WWOX: variants seen among roughly 807,000 people sequenced by gnomAD.
WWOX encodes the protein WW domain-containing oxidoreductase.
A neutral mutation model predicts 46.2 loss-of-function variants in WWOX; 69 were observed. The ratio of observed to expected loss-of-function variants is 1.49; its 90% CI spans 1.23 to 1.82. The LOEUF is 1.82. Among genes scored for constraint, WWOX ranks in the 40% most tolerant of loss-of-function variants. The pLI, the probability that WWOX is intolerant of heterozygous loss-of-function variation, is 0.00. For missense variants in WWOX, 919 were observed against 542.6 expected, an observed-to-expected ratio of 1.69 and a Z score of -6.89; for synonymous variants, 359 against 202.6, an observed-to-expected ratio of 1.77 and a Z score of -6.56.
intron 8 of WWOX, among the ~76,000 whole-genome samples, chr16:79,068,981 A>G (rs77538482): frequency 0.016 from 2,469 of 152,268 alleles, 81 homozygotes; most frequent in African/African-American, 0.057. Flanking sequence ...CAGGCGTAAG[A>G]TATGCATCTA....
At chr16:78,469,629 G>T (rs1232371849) in intron 8 of WWOX, among the ~76,000 whole-genome samples, 1 of 152,234 alleles carries the variant, frequency 6.6e-6, no homozygotes. Flanking sequence ...ATAGCAGGCT[G>T]CCAGGACATG....
At chr16:78,875,263 C>T (rs895189979) in intron 8 of WWOX, among the ~76,000 whole-genome samples, 1 of 152,088 alleles carries the variant, frequency 6.6e-6, no homozygotes, top group African/African-American at 2.4e-5. Context: ...TCTACCACTC[C>T]CAGTAAATCA....
rs1327004996 is a variant in WWOX, at chr16:78,894,035, A to ATTATTATTATTATTG, written c.1057-317559_1057-317558insGTTATTATTATTATT. 2.7e-5 allele frequency among the ~76,000 whole-genome samples: 4 copies of ATTATTATTATTATTG among 146,048 alleles called. No homozygotes were observed. The East Asian group carries it at 6.0e-4, about 22-fold the overall frequency. ...TATTGAGGCTTTTATTATTATTATT[A>ATTATTATTATTATTG]TTATTATTATTATTATATTTTGAGA... On this transcript the variant is annotated intron_variant, in intron 8 of 8. Transcript: ENST00000566780.
chr16:79,164,477 C>G (rs1291139203), intron 8 of WWOX, among the ~76,000 whole-genome samples: 2 of 151,398 alleles, frequency 1.3e-5, no homozygotes, highest in East Asian at 3.9e-4. Flanking sequence ...GATGTTCATT[C>G]AGGCAGGGAT....
chr16:78,865,002 A>G (rs1405771468), intron 8 of WWOX, among the ~76,000 whole-genome samples: 3 of 151,846 alleles, frequency 2.0e-5, no homozygotes, highest in East Asian at 3.9e-4. Flanking sequence ...ACCTCAAGTG[A>G]TCCACCCATC....
intron 8 of WWOX, among the ~76,000 whole-genome samples, chr16:78,509,094 G>T (rs1480333212): frequency 3.3e-5 from 5 of 152,188 alleles, no homozygotes; most frequent in Admixed American, 3.3e-4. Flanking sequence ...GTGCAGTGAG[G>T]CCCTCCCTTC....
chr16:78,320,665 A>G (rs1007977113), intron 5 of WWOX, among the ~76,000 whole-genome samples: 2 of 152,220 alleles, frequency 1.3e-5, no homozygotes, highest in Non-Finnish European at 2.9e-5. Context: ...ATCTGGATGA[A>G]GAATGAAATA....
intron 8 of WWOX, among the ~76,000 whole-genome samples, chr16:78,753,586 G>A (rs1217884338): frequency 6.6e-6 from 1 of 151,632 alleles, no homozygotes; most frequent in Non-Finnish European, 1.5e-5. Flanking sequence ...GTTTGCTTGA[G>A]CCCAGGAGTT....
chr16:78,751,009 C>T (rs1388236057), intron 8 of WWOX, among the ~76,000 whole-genome samples: 1 of 152,084 alleles, frequency 6.6e-6, no homozygotes, highest in Non-Finnish European at 1.5e-5. Context: ...TGTATACCCA[C>T]TAATAAGATT....
chr16:79,085,958 G>C (rs562215648), intron 8 of WWOX, among the ~76,000 whole-genome samples: 10 of 152,194 alleles, frequency 6.6e-5, no homozygotes, highest in African/African-American at 1.9e-4. Context: ...TGTAGTCCCA[G>C]CTACTTGGGA....
At chr16:78,607,657 T>TTTTC (rs945531649) in intron 8 of WWOX, among the ~76,000 whole-genome samples, 1 of 151,474 alleles carries the variant, frequency 6.6e-6, no homozygotes, top group Non-Finnish European at 1.5e-5. Flanking sequence ...TTTTTTTTTT[T>TTTTC]TGGCTGTCTA....
chr16:79,065,044 C>T (rs867841441), intron 8 of WWOX, among the ~76,000 whole-genome samples: 1 of 152,142 alleles, frequency 6.6e-6, no homozygotes, highest in Non-Finnish European at 1.5e-5. Flanking sequence ...GAAGCACTTA[C>T]GTGTATGCCT....
intron 8 of WWOX, among the ~76,000 whole-genome samples, chr16:78,874,299 G>C (rs368853743): frequency 1.3e-5 from 2 of 151,636 alleles, no homozygotes; most frequent in African/African-American, 4.8e-5. Context: ...CAGGAAAGGA[G>C]GCCCTGAGTT....
Position 78,620,390 on chromosome 16 carries a change from G to A in WWOX, c.1056+187638G>A, listed in dbSNP as rs181419967. Among the ~76,000 whole-genome samples, 5 of 152,276 alleles carry A rather than the reference G, an allele frequency of 3.3e-5. No homozygotes were observed. The South Asian group carries it at 8.3e-4, about 25-fold the overall frequency. ...TTGACAAGTTTCCTCCAACAGACTC[G>A]TGTAGAAGTTTCTGTATCAACTGGA... On this transcript the variant is annotated intron_variant, in intron 8 of 8. Transcript: ENST00000566780.
intron 1 of WWOX, among the ~76,000 whole-genome samples, chr16:78,106,966 C>G (rs1052936817): frequency 7.2e-5 from 11 of 152,324 alleles, no homozygotes; most frequent in African/African-American, 2.2e-4. Flanking sequence ...TGCACTATGA[C>G]AGAGACCCAG....
intron 5 of WWOX, among the ~76,000 whole-genome samples, chr16:78,277,199 A>G (rs1413601733): frequency 6.6e-6 from 1 of 152,232 alleles, no homozygotes; most frequent in South Asian, 2.1e-4. Context: ...AAAGGGGAGG[A>G]AAAAAAGGGG....
intron 8 of WWOX, among the ~76,000 whole-genome samples, chr16:79,194,206 C>T (rs940358785): frequency 2.0e-5 from 3 of 152,106 alleles, no homozygotes; most frequent in Admixed American, 6.6e-5. Context: ...ACACCAAAAA[C>T]GATTTGGAAA....
intron 8 of WWOX, among the ~76,000 whole-genome samples, chr16:78,517,830 A>G (rs1486072374): frequency 6.6e-6 from 1 of 151,596 alleles, no homozygotes; most frequent in Non-Finnish European, 1.5e-5. Flanking sequence ...AAGTGAAAAA[A>G]AAAAAGAATG....
At chr16:79,160,286 C>T (rs1313764400) in intron 8 of WWOX, among the ~76,000 whole-genome samples, 2 of 152,242 alleles carry the variant, frequency 1.3e-5, no homozygotes, top group Admixed American at 6.5e-5. Flanking sequence ...CAGACTATTT[C>T]GTGAGAAAGA....
Sources: allele counts gnomAD v4.1 joint callset (sites outside exome capture counted in the v4.1 genomes callset), GRCh38; gene constraint gnomAD v4.1.1; transcripts MANE v1.5; gene names NCBI Gene and HGNC (gene_info 2026-07-23, HGNC 2026-07-21).